PPFIBP2: variants seen among roughly 807,000 people sequenced by gnomAD.
The protein encoded by PPFIBP2 is liprin-beta-2.
PPFIBP2 carries 118 observed loss-of-function variants against 118.3 expected under a neutral mutation model. The ratio of observed to expected loss-of-function variants is 1.00; its 90% CI spans 0.86 to 1.16. The LOEUF (loss-of-function observed/expected upper bound fraction) is 1.16. PPFIBP2 is among the 50% of genes most tolerant of loss of function. The probability of loss-of-function intolerance (pLI) is 0.00; values close to 1 mark genes in which losing one functional copy is unlikely to be tolerated. For missense variants in PPFIBP2, 1,195 were observed against 1,073.1 expected (o/e 1.11, Z -1.59); for synonymous variants, 414 against 397.4 (o/e 1.04, Z -0.50).
intron 6 of PPFIBP2, among the ~76,000 whole-genome samples, chr11:7,614,896 T>G (rs1297413373): frequency 6.6e-6 from 1 of 152,128 alleles, no homozygotes; most frequent in Admixed American, 6.5e-5. Flanking sequence ...GAGCTGAGGT[T>G]AAAACACAGG....
chr11:7,560,409 A>G lies in PPFIBP2; in HGVS notation c.65-5144A>G, dbSNP rs1052418789. 4.8e-4 allele frequency among the ~76,000 whole-genome samples: 73 copies of G among 152,216 alleles called. 1 individual carries two copies. The highest frequency in any genetic ancestry group is 1.8e-3 in the African/African-American group (73 of 41,454). ...TCAACATTTGGGTATTTCTCTGTAT[A>G]TATATATACCATATACATATAATTG... On this transcript the variant is annotated intron_variant, in intron 2 of 23. Coordinates refer to ENST00000299492, the MANE Select transcript of PPFIBP2 (RefSeq NM_003621.5).
chr11:7,537,363 C>T (rs1229806800), intron 1 of PPFIBP2, among the ~76,000 whole-genome samples: 4 of 152,218 alleles, frequency 2.6e-5, no homozygotes, highest in Non-Finnish European at 5.9e-5. Flanking sequence ...GCAGCAGCTT[C>T]TCAAAGGAGA....
chr11:7,548,206 C>G (rs1314174378), intron 1 of PPFIBP2: 1 of 152,488 alleles, frequency 6.6e-6, no homozygotes, highest in African/African-American at 2.4e-5. Context: ...GACTTTGGAG[C>G]CTGTGGATTT....
chr11:7,551,231 G>A (rs921884540), intron 2 of PPFIBP2, among the ~76,000 whole-genome samples: 3 of 152,118 alleles, frequency 2.0e-5, no homozygotes, highest in African/African-American at 7.2e-5. Context: ...TGGGATAATA[G>A]CTACAGGATC....
intron 1 of PPFIBP2, among the ~76,000 whole-genome samples, chr11:7,537,434 C>T (rs1215238473): frequency 2.6e-5 from 4 of 152,230 alleles, no homozygotes; most frequent in Non-Finnish European, 4.4e-5. Flanking sequence ...ATTGCACAGG[C>T]TCGAAATAAT....
chr11:7,570,430 G>A (rs1855537128), intron 3 of PPFIBP2, among the ~76,000 whole-genome samples: 1 of 152,204 alleles, frequency 6.6e-6, no homozygotes, highest in Non-Finnish European at 1.5e-5. Context: ...CAGCCAGTCT[G>A]TTCTGCTGTT....
At chr11:7,649,714 G>A in intron 21 of PPFIBP2, 60 bp downstream of exon 21, 2 of 1,596,608 alleles carry the variant, frequency 1.3e-6, no homozygotes, top group Middle Eastern at 3.3e-4. Context: ...GAAACATCGA[G>A]CATGAGCAAA....
Position 7,565,634 on chromosome 11 carries a change from C to T in PPFIBP2, c.146C>T (p.Pro49Leu), listed in dbSNP as rs561555393. ...ASPASYMNPF[P>L]VLHLIEDLRL... ...CCGGCCTCCTACATGAACCCCTTCC[C>T]GGTGCTCCATCTCATCGAGGACTTG... Residue 49 changes from proline (P) to leucine (L), a missense_variant, in exon 3 of 24, where the codon CCG becomes CTG. Transcript: ENST00000299492. 1.9e-5 allele frequency: 31 copies of T among 1,614,218 alleles called. No homozygotes were observed. The highest frequency in any genetic ancestry group is 9.9e-5 in the South Asian group (9 of 91,080).
At chr11:7,631,072 C>A in intron 11 of PPFIBP2, 44 bp downstream of exon 11, 2 of 1,468,170 alleles carry the variant, frequency 1.4e-6, no homozygotes, top group South Asian at 2.3e-5. Context: ...GCAGGTCCTC[C>A]GAGCTTGCCC....
intron 5 of PPFIBP2, chr11:7,605,599 C>T: frequency 1.5e-6 from 1 of 667,522 alleles, no homozygotes; most frequent in South Asian, 6.4e-5. Context: ...GGATGAGATC[C>T]CATGAGGATT....
At chr11:7,645,929 A>T (rs57400774) in intron 17 of PPFIBP2, among the ~76,000 whole-genome samples, 18,297 of 152,250 alleles carry the variant, frequency 0.12, 1,159 homozygotes, top group Middle Eastern at 0.19. Context: ...AATGAAATAA[A>T]AACCAAATAT....
chr11:7,638,295 A>G (rs1239825537), intron 14 of PPFIBP2, among the ~76,000 whole-genome samples: 1 of 152,186 alleles, frequency 6.6e-6, no homozygotes, highest in African/African-American at 2.4e-5. Context: ...TCTTGACCGT[A>G]TGTCTGATCA....
intron 5 of PPFIBP2, chr11:7,598,285 T>C: frequency 3.1e-6 from 1 of 322,838 alleles, no homozygotes; most frequent in Non-Finnish European, 6.1e-6. Flanking sequence ...TGCTTAATAT[T>C]ATATTTTTCC....
intron 4 of PPFIBP2, chr11:7,597,103 A>T: frequency 7.7e-7 from 1 of 1,295,364 alleles, no homozygotes; most frequent in Non-Finnish European, 1.0e-6. Flanking sequence ...CTCACCTGAT[A>T]GGTGAGCAGT....
At position 7,567,349 on chromosome 11, in the gene PPFIBP2, C is replaced by CA. The variant is rs1178841042; in HGVS notation, c.279+1583dup. Among the ~76,000 whole-genome samples the CA allele has an allele frequency of 1.8e-4, 27 of 152,268 alleles. No homozygotes were observed. The South Asian group carries it at 2.3e-3, about 13-fold the overall frequency. ...ATATTTTTGATCCAAAGGCAGTTGA[C>CA]ATTGTTGTTGGTTTTTTCAAGATGC... is the stretch of plus-strand genomic sequence containing the variant. On this transcript the variant is annotated intron_variant, in intron 3 of 23. Coordinates refer to ENST00000299492, the MANE Select transcript of PPFIBP2 (RefSeq NM_003621.5).
At position 7,629,539 on chromosome 11, in the gene PPFIBP2, G is replaced by A; in HGVS notation, c.964+5G>A. On this transcript the variant is annotated splice_donor_5th_base_variant and intron_variant, in intron 10 of 23. Transcript: ENST00000299492. ...AGATTGTGATGGTCACTCAAGGTAA[G>A]AGCAAGGGCGATCCTACCGTTGTCT... 4 of 1,613,714 alleles carry A rather than the reference G, an allele frequency of 2.5e-6. No homozygotes were observed. Among genetic ancestry groups the A allele is most frequent in the Non-Finnish European group, 3.4e-6 (4 of 1,179,648 alleles).
At chr11:7,588,829 G>A (rs911742261) in intron 3 of PPFIBP2, among the ~76,000 whole-genome samples, 7 of 152,170 alleles carry the variant, frequency 4.6e-5, no homozygotes, top group African/African-American at 1.7e-4. Context: ...CATTCGAGAA[G>A]CCCTTGTCTT....
chr11:7,566,917 C>T (rs1590272493), intron 3 of PPFIBP2, among the ~76,000 whole-genome samples: 1 of 152,210 alleles, frequency 6.6e-6, no homozygotes, highest in East Asian at 1.9e-4. Context: ...GGATGCACCT[C>T]TCCCACTCTA....
chr11:7,553,573 C>T (rs11041443), intron 2 of PPFIBP2, among the ~76,000 whole-genome samples: 2 of 152,100 alleles, frequency 1.3e-5, no homozygotes, highest in African/African-American at 4.8e-5. Context: ...AATCCCAGCT[C>T]AGCCATTTAG....
Sources: allele counts gnomAD v4.1 joint callset (sites outside exome capture counted in the v4.1 genomes callset), GRCh38; gene constraint gnomAD v4.1.1; transcripts MANE v1.5; gene names NCBI Gene and HGNC (gene_info 2026-07-23, HGNC 2026-07-21).